PCDHGB2: variants seen among roughly 807,000 people sequenced by gnomAD.
PCDHGB2 encodes protocadherin gamma-B2.
Under a neutral mutation model 59.3 loss-of-function variants are expected in PCDHGB2, and 55 were observed. The ratio of observed to expected loss-of-function variants is 0.93; its 90% CI spans 0.75 to 1.16. The LOEUF is 1.16. Among genes scored for constraint, PCDHGB2 ranks in the 50% most tolerant of loss-of-function variants. PCDHGB2 has a pLI of 0.00. For synonymous variants in PCDHGB2, 516 were observed against 512.0 expected (o/e 1.01, Z -0.11); for missense variants, 1,228 against 1,198.5 (o/e 1.02, Z -0.36).
Position 141,511,410 on chromosome 5 carries a change from T to TA in PCDHGB2, c.*238dup. On this transcript the variant is annotated 3_prime_UTR_variant, in exon 4 of 4. Coordinates refer to ENST00000522605, the MANE Select transcript of PCDHGB2 (RefSeq NM_018923.3). ...GGAACCCCCATCCAATCAACTGCTG[T>TA]ACCCATGGGGGTAGTGGGGTTACTG... The TA allele has an allele frequency of 1.1e-6, 1 of 908,822 alleles. No homozygotes were observed. The highest frequency in any genetic ancestry group is 1.6e-6 in the Non-Finnish European group (1 of 624,204). 56.3% of individuals were successfully genotyped at this position (908,822 alleles called of 1,614,324 possible).
At chr5:141,424,547 T>A (rs1484479408) in intron 1 of PCDHGB2, 2 of 152,238 alleles carry the variant, frequency 1.3e-5, no homozygotes, top group African/African-American at 4.8e-5. Flanking sequence ...AACTTGATTT[T>A]GATTCAGTGC....
intron 1 of PCDHGB2, among the ~76,000 whole-genome samples, chr5:141,401,837 A>G (rs1302723544): frequency 6.6e-6 from 1 of 152,198 alleles, no homozygotes; most frequent in Non-Finnish European, 1.5e-5. Context: ...ATTTCTTATA[A>G]TACCACTTAC....
rs2099637746 is a variant in PCDHGB2, at chr5:141,486,980, A to G, written c.2422-7827A>G. Reference sequence around the variant, plus strand: ...TGCTGTGGACTTGGATTCAGGTTACAATGCTTGGGTTTCCTATCAGCTCCT... The same window carrying G: ...TGCTGTGGACTTGGATTCAGGTTACGATGCTTGGGTTTCCTATCAGCTCCT... On this transcript the variant is annotated intron_variant, in intron 1 of 3. Coordinates refer to ENST00000522605, the MANE Select transcript of PCDHGB2 (RefSeq NM_018923.3). This position sits in a 1 kb window ranked among gnomAD's most constrained non-coding sequence, Gnocchi z 5.0. The G allele has an allele frequency of 1.2e-6, 2 of 1,614,040 alleles. No individual in the cohort carries two copies. The highest frequency in any genetic ancestry group is 1.3e-5 in the African/African-American group (1 of 74,908).
chr5:141,461,269 TTC>T (rs1316205976), intron 1 of PCDHGB2, among the ~76,000 whole-genome samples: 4 of 152,186 alleles, frequency 2.6e-5, no homozygotes, highest in Admixed American at 2.0e-4. Flanking sequence ...TGTGTAAGTG[TTC>T]TCTTTTCCCC....
intron 1 of PCDHGB2, 72 bp from the exon 2 acceptor site, chr5:141,494,735 A>C: frequency 6.2e-7 from 1 of 1,610,712 alleles, no homozygotes; most frequent in Middle Eastern, 1.7e-4. Context: ...CTCCCGGCCC[A>C]TCCCTAGGGG....
intron 1 of PCDHGB2, chr5:141,392,231 C>T (rs1225616326): frequency 6.6e-6 from 1 of 152,078 alleles, no homozygotes; most frequent in Non-Finnish European, 1.5e-5. Context: ...AACTGAAGTT[C>T]TTAGTTATTT....
intron 1 of PCDHGB2, chr5:141,375,055 G>T (rs1771087502): frequency 6.2e-7 from 1 of 1,614,042 alleles, no homozygotes; most frequent in Non-Finnish European, 8.5e-7. Flanking sequence ...CCCGGGATGG[G>T]CCAGGTCTTC....
At position 141,421,580 on chromosome 5, in the gene PCDHGB2, A is replaced by G. The variant is rs375319424; in HGVS notation, c.2421+59024A>G. ...CTCGTGGAAGACACCTTGAAGATTT[A>G]CGGAGTGGAGGTGGAAATAATAGAT... On this transcript the variant is annotated intron_variant, in intron 1 of 3. Transcript: ENST00000522605. The G allele has an allele frequency of 1.1e-5, 17 of 1,613,782 alleles. No individual in the cohort carries two copies. In the East Asian group the frequency reaches 2.7e-4, roughly 25 times the overall value.
Position 141,366,209 on chromosome 5 carries a change from C to T in PCDHGB2, c.2421+3653C>T, listed in dbSNP as rs371864119. On this transcript the variant is annotated intron_variant, in intron 1 of 3. Transcript: ENST00000522605. ...GGTTGGGCTGCACACGGGCGAGGTG[C>T]GCACAGCGCGAGCCCTGCTGGACAG... is the stretch of plus-strand genomic sequence containing the variant. The T allele has an allele frequency of 2.5e-6, 4 of 1,613,698 alleles. No individual in the cohort carries two copies. In the African/African-American group the frequency reaches 5.3e-5, roughly 22 times the overall value.
rs570809952 is a variant in PCDHGB2 at position 141,463,609 on chromosome 5, C to T, written c.2422-31198C>T. 4.6e-5 allele frequency among the ~76,000 whole-genome samples: 7 copies of T among 151,964 alleles called. No homozygotes were observed. In the East Asian group the frequency reaches 9.7e-4, roughly 21 times the overall value. The stretch of plus-strand genomic sequence containing the variant: ...GACTACAGGTGCCTGCCACCATGCC[C>T]GGCTAATTTTTTGTATTTTGTTTAG... On this transcript the variant is annotated intron_variant, in intron 1 of 3. Coordinates refer to ENST00000522605, the MANE Select transcript of PCDHGB2 (RefSeq NM_018923.3).
intron 1 of PCDHGB2, chr5:141,422,932 C>G: frequency 6.2e-7 from 1 of 1,614,252 alleles, no homozygotes; most frequent in Non-Finnish European, 8.5e-7. Context: ...CCCTGCCCTC[C>G]CCACAGACGG....
rs1032445242 is a variant in PCDHGB2 at position 141,487,571 on chromosome 5, G to C, written c.2422-7236G>C. The C allele has an allele frequency of 6.2e-7, 1 of 1,614,060 alleles. No homozygotes were observed. The highest frequency in any genetic ancestry group is 8.5e-7 in the Non-Finnish European group (1 of 1,180,046). ...CAGTGCACCTATGGCAGGGGAGCCTGTTCGCCCAAGCTGCCCACCCTCTGA... is the reference window on the plus strand; with the variant it reads ...CAGTGCACCTATGGCAGGGGAGCCTCTTCGCCCAAGCTGCCCACCCTCTGA... On this transcript the variant is annotated intron_variant, in intron 1 of 3. Transcript: ENST00000522605. This position sits in a 1 kb window ranked among gnomAD's most constrained non-coding sequence, Gnocchi z 5.0.
rs1446853595 is a variant in PCDHGB2 at position 141,491,363 on chromosome 5, C to A, written c.2422-3444C>A. The A allele has an allele frequency of 1.2e-6, 2 of 1,614,182 alleles. No homozygotes were observed. Among genetic ancestry groups the A allele is most frequent in the South Asian group, 2.2e-5 (2 of 91,082 alleles). On this transcript the variant is annotated intron_variant, in intron 1 of 3. Coordinates refer to ENST00000522605, the MANE Select transcript of PCDHGB2 (RefSeq NM_018923.3). The surrounding 1 kb of genome is among the most constrained non-coding windows in gnomAD (Gnocchi z 6.9). ...ACCGTCAGTCTCTTATCCCTAGTCA[C>A]CTTCACCTTTCTGTCAGCGAAGTGC...
Position 141,375,095 on chromosome 5 carries a change from T to C in PCDHGB2, c.2421+12539T>C, listed in dbSNP as rs370381070. 3.0e-4 allele frequency: 491 copies of C among 1,613,960 alleles called. 2 individuals are homozygous for C. In the African/African-American group the frequency reaches 5.9e-3, roughly 19 times the overall value. ...CAGAGCGAAAGTCTTAATAACTATCTTGGATGTCAATGATAATGTACCAGA... is the reference window on the plus strand; with the variant it reads ...CAGAGCGAAAGTCTTAATAACTATCCTGGATGTCAATGATAATGTACCAGA... On this transcript the variant is annotated intron_variant, in intron 1 of 3. Coordinates refer to ENST00000522605, the MANE Select transcript of PCDHGB2 (RefSeq NM_018923.3).
chr5:141,491,895 A>C lies in PCDHGB2; in HGVS notation c.2422-2912A>C. 1.4e-6 allele frequency: 2 copies of C among 1,434,306 alleles called. No individual in the cohort carries two copies. The highest frequency in any genetic ancestry group is 1.8e-6 in the Non-Finnish European group (2 of 1,084,904). 88.8% of individuals were successfully genotyped at this position (1,434,306 alleles called of 1,614,324 possible). Reference sequence around the variant, plus strand: ...CCGATTAAGGGATGGGGCTCCGAGCACCGGGGGTGGTGGCGACTGTGGGCG... The same window carrying C: ...CCGATTAAGGGATGGGGCTCCGAGCCCCGGGGGTGGTGGCGACTGTGGGCG... On this transcript the variant is annotated intron_variant, in intron 1 of 3. Transcript: ENST00000522605. The surrounding 1 kb of genome is among the most constrained non-coding windows in gnomAD (Gnocchi z 6.9).
intron 1 of PCDHGB2, among the ~76,000 whole-genome samples, chr5:141,454,195 T>C (rs1295815862): frequency 6.6e-6 from 1 of 152,136 alleles, no homozygotes; most frequent in Admixed American, 6.6e-5. Context: ...TTAGTGAAGG[T>C]GAATTTATTG....
At chr5:141,508,718 G>T (rs2099871076) in intron 3 of PCDHGB2, among the ~76,000 whole-genome samples, 1 of 151,852 alleles carries the variant, frequency 6.6e-6, no homozygotes, top group Non-Finnish European at 1.5e-5. Flanking sequence ...TTTTCTGTGT[G>T]CAGGGAGACT....
intron 1 of PCDHGB2, among the ~76,000 whole-genome samples, chr5:141,453,121 G>A (rs62379169): frequency 4.7e-4 from 71 of 151,818 alleles, no homozygotes; most frequent in Non-Finnish European, 8.4e-4. Flanking sequence ...GTTTTGTTTT[G>A]TTTTGTTTTT....
At chr5:141,430,817 C>T (rs200369093) in intron 1 of PCDHGB2, 2 of 1,539,796 alleles carry the variant, frequency 1.3e-6, no homozygotes, top group Non-Finnish European at 1.7e-6. Flanking sequence ...GGGAATCCTC[C>T]TGGGGACTCT....
Sources: allele counts gnomAD v4.1 joint callset (sites outside exome capture counted in the v4.1 genomes callset), GRCh38; gene constraint gnomAD v4.1.1; non-coding constraint Gnocchi (gnomAD v3.1); transcripts MANE v1.5; gene names NCBI Gene and HGNC (gene_info 2026-07-23, HGNC 2026-07-21).